Variants in RBFOX1 observed in about 807,000 individuals in gnomAD.
The protein encoded by RBFOX1 is RNA binding fox-1 homolog 1.
A neutral mutation model predicts 57.7 loss-of-function variants in RBFOX1; 8 were observed. That is an observed-to-expected ratio of 0.14 (90% CI 0.08 to 0.25). The LOEUF is 0.25. Ranked by LOEUF, RBFOX1 falls within the 10% of genes least tolerant of loss-of-function variation. The pLI is 1.00. For synonymous variants in RBFOX1, 326 were observed against 222.4 expected, an observed-to-expected ratio of 1.47 and a Z score of -4.15; for missense variants, 611 against 548.5, an observed-to-expected ratio of 1.11 and a Z score of -1.14.
intron 11 of RBFOX1, among the ~76,000 whole-genome samples, chr16:7,638,033 A>G (rs1017219124): frequency 6.6e-6 from 1 of 152,202 alleles, no homozygotes; most frequent in African/African-American, 2.4e-5. Flanking sequence ...GATTTAAAAA[A>G]TAATTTGGGT....
intron 3 of RBFOX1, among the ~76,000 whole-genome samples, chr16:6,709,015 C>T (rs2154149658): frequency 6.6e-6 from 1 of 151,960 alleles, no homozygotes; most frequent in Admixed American, 6.6e-5. Context: ...CCTGACTGTG[C>T]CTCTTTGCTA....
At chr16:6,190,259 C>G (rs754960582) in intron 1 of RBFOX1, among the ~76,000 whole-genome samples, 9 of 152,118 alleles carry the variant, frequency 5.9e-5, no homozygotes, top group Admixed American at 1.3e-4. Context: ...GGCTTCATGT[C>G]TTGTTTGGGG....
chr16:6,362,656 C>T (rs762836794), intron 2 of RBFOX1, among the ~76,000 whole-genome samples: 6 of 152,206 alleles, frequency 3.9e-5, no homozygotes, highest in African/African-American at 7.2e-5. Flanking sequence ...AGAATCCTGA[C>T]GGCTTTAACC....
intron 3 of RBFOX1, among the ~76,000 whole-genome samples, chr16:6,910,958 T>C (rs1031069901): frequency 1.3e-5 from 2 of 152,098 alleles, no homozygotes; most frequent in Non-Finnish European, 2.9e-5. Context: ...CCCAGCACTT[T>C]GGGAGGCCGA....
intron 3 of RBFOX1, among the ~76,000 whole-genome samples, chr16:5,651,982 A>G (rs149151843): frequency 6.6e-6 from 1 of 152,120 alleles, no homozygotes; most frequent in Admixed American, 6.5e-5. Flanking sequence ...AAGAAAGAAA[A>G]AAATAGCCGG....
intron 13 of RBFOX1, chr16:7,671,586 A>G: frequency 6.2e-7 from 1 of 1,612,348 alleles, no homozygotes; most frequent in Non-Finnish European, 8.5e-7. Flanking sequence ...GTGTATGGCA[A>G]TAAATTGCTG....
At chr16:7,276,474 A>G (rs190735849) in intron 4 of RBFOX1, among the ~76,000 whole-genome samples, 48 of 152,226 alleles carry the variant, frequency 3.2e-4, no homozygotes, top group Admixed American at 1.6e-3. Context: ...TCCTTCCTCT[A>G]TATTCTCTCT....
At chr16:5,772,235 AC>A (rs1164608258) in intron 3 of RBFOX1, among the ~76,000 whole-genome samples, 1 of 152,174 alleles carries the variant, frequency 6.6e-6, no homozygotes, top group East Asian at 1.9e-4. Context: ...GCAGAGACTC[AC>A]CGGTTGCCGG....
intron 3 of RBFOX1, among the ~76,000 whole-genome samples, chr16:6,827,763 C>G (rs553363941): frequency 3.3e-5 from 5 of 152,310 alleles, no homozygotes; most frequent in East Asian, 1.9e-4. Context: ...CTCCATCACT[C>G]TTACCTGGTT....
chr16:5,548,172 A>ATATAT (rs1442260697), intron 2 of RBFOX1, among the ~76,000 whole-genome samples: 111 of 28,228 alleles, frequency 3.9e-3, no homozygotes, highest in South Asian at 9.2e-3. Context: ...AAAAAAAAAA[A>ATATAT]AAATATATAT....
At chr16:5,854,591 C>CAG (rs752613795) in intron 3 of RBFOX1, among the ~76,000 whole-genome samples, 1 of 151,638 alleles carries the variant, frequency 6.6e-6, no homozygotes, top group Non-Finnish European at 1.5e-5. Context: ...TTCACACACA[C>CAG]ACACACACAC....
rs561108299 is a variant in RBFOX1, at chr16:6,901,496, G to C, written c.-15-150561G>C. Among the ~76,000 whole-genome samples the C allele has an allele frequency of 2.0e-5, 3 of 152,088 alleles. 1 individual carries two copies. The highest frequency in any genetic ancestry group is 4.4e-5 in the Non-Finnish European group (3 of 68,022). On this transcript the variant is annotated intron_variant, in intron 3 of 15. Coordinates refer to ENST00000550418, the MANE Select transcript of RBFOX1 (RefSeq NM_018723.4). Reference sequence around the variant, plus strand: ...GACTCTTCCTTAGCCCATGACTCTCGACCTGGAATGACAGCAAGTTCATGT... The same window carrying C: ...GACTCTTCCTTAGCCCATGACTCTCCACCTGGAATGACAGCAAGTTCATGT...
At chr16:6,533,512 T>G (rs2096690099) in intron 2 of RBFOX1, among the ~76,000 whole-genome samples, 1 of 152,122 alleles carries the variant, frequency 6.6e-6, no homozygotes, top group Admixed American at 6.6e-5. Flanking sequence ...CCAGGGATGG[T>G]GCTTGATTGA....
chr16:7,153,430 G>A (rs1198697191), intron 4 of RBFOX1, among the ~76,000 whole-genome samples: 2 of 152,062 alleles, frequency 1.3e-5, no homozygotes, highest in Admixed American at 1.3e-4. Context: ...GGGAGGACAT[G>A]TATTGGATTG....
intron 4 of RBFOX1, among the ~76,000 whole-genome samples, chr16:7,358,681 A>G (rs1596377173): frequency 6.6e-6 from 1 of 152,148 alleles, no homozygotes; most frequent in East Asian, 1.9e-4. Context: ...CGGCCTCCCA[A>G]AGTGCTGGGA....
At chr16:5,455,017 T>TC (rs2068583706) in intron 1 of RBFOX1, among the ~76,000 whole-genome samples, 11 of 116,724 alleles carry the variant, frequency 9.4e-5, no homozygotes, top group African/African-American at 3.4e-4. Flanking sequence ...CTTTCTTTCT[T>TC]TCTTTCTCTC....
chr16:6,156,214 T>G (rs1045520237), intron 1 of RBFOX1, among the ~76,000 whole-genome samples: 1 of 152,206 alleles, frequency 6.6e-6, no homozygotes, highest in African/African-American at 2.4e-5. Context: ...TTAGCACACA[T>G]GAACTAATGC....
intron 1 of RBFOX1, among the ~76,000 whole-genome samples, chr16:6,075,927 C>A (rs75881939): frequency 1.0e-3 from 153 of 152,284 alleles, no homozygotes; most frequent in African/African-American, 3.5e-3. Flanking sequence ...CCTAATGAGG[C>A]AGGTACATTT....
At chr16:6,243,463 G>T (rs2097550811) in intron 1 of RBFOX1, among the ~76,000 whole-genome samples, 1 of 152,110 alleles carries the variant, frequency 6.6e-6, no homozygotes. Flanking sequence ...TTTATGAGGA[G>T]ACCTGCTTTC....
Sources: gnomAD v4.1 joint callset for allele counts (sites outside exome capture counted in the v4.1 genomes callset) on GRCh38, gnomAD v4.1.1 for gene constraint, MANE v1.5 for transcripts, NCBI Gene and HGNC (gene_info 2026-07-23, HGNC 2026-07-21) for gene names.